Variants in DIPK2B observed in about 807,000 individuals in gnomAD.
The protein encoded by DIPK2B is divergent protein kinase domain 2B, also known as UPF0672 protein CXorf36.
In DIPK2B, 15 loss-of-function variants were observed where a neutral mutation model predicts 22.2. The ratio of observed to expected loss-of-function variants is 0.68; its 90% CI spans 0.45 to 1.04. The LOEUF (loss-of-function observed/expected upper bound fraction) is 1.04. Ranked by LOEUF, DIPK2B falls within the 50% of genes least tolerant of loss-of-function variation. The probability of loss-of-function intolerance (pLI) is 0.00; values close to 1 mark genes in which losing one functional copy is unlikely to be tolerated. For missense variants in DIPK2B, 345 were observed against 348.3 expected, an observed-to-expected ratio of 0.99 and a Z score of 0.08; for synonymous variants, 163 against 153.2, an observed-to-expected ratio of 1.06 and a Z score of -0.47.
intron 1 of DIPK2B, among the ~76,000 whole-genome samples, chrX:45,195,015 G>C (rs1007036913): frequency 8.9e-6 from 1 of 112,360 alleles, no homozygotes; most frequent in East Asian, 2.8e-4. Context: ...GATGGCTTGA[G>C]GCATTCCATA....
In DIPK2B at chrX:45,150,163, T is replaced by C. The variant is rs1373774057; in HGVS notation, c.*1489A>G. 1 of 111,809 alleles carries C rather than the reference T, an allele frequency of 8.9e-6. No homozygotes were observed. The highest frequency in any genetic ancestry group is 2.8e-4 in the East Asian group (1 of 3,531). 9.2% of individuals were successfully genotyped at this position (111,809 alleles called of 1,213,427 possible). A position where few individuals can be genotyped will look rare whatever the true frequency, so the allele number is the denominator to read the frequency against. On this transcript the variant is annotated 3_prime_UTR_variant, in exon 5 of 5. Transcript: ENST00000398000. ...TCCCAAAGTGCTGGGATTACAGGCG[T>C]GAGCCACCGGGCCTGGCCTGTTCTG...
intron 2 of DIPK2B, among the ~76,000 whole-genome samples, chrX:45,161,307 C>T (rs1204002422): frequency 8.9e-6 from 1 of 112,289 alleles, no homozygotes; most frequent in Admixed American, 9.4e-5. Flanking sequence ...TTCAGGAGGT[C>T]GAGGTAGGCA....
rs2046960372 is a variant in DIPK2B at position 45,151,402 on chromosome X, G to T, written c.*250C>A. On this transcript the variant is annotated 3_prime_UTR_variant, in exon 5 of 5. Transcript: ENST00000398000. Reference sequence around the variant, plus strand: ...AGTCTGGTGGAGAACAGAGGAAACTGAGGCTCAAAGACATTGAGTGAGCGT... The same window carrying T: ...AGTCTGGTGGAGAACAGAGGAAACTTAGGCTCAAAGACATTGAGTGAGCGT... 4 of 401,442 alleles carry T rather than the reference G, an allele frequency of 1.0e-5. No individual in the cohort carries two copies. In the Admixed American group the frequency reaches 1.8e-4, roughly 18 times the overall value. The allele number at this position is 401,442 out of a possible 1,213,427, so 33.1% of individuals were successfully genotyped here. A position where few individuals can be genotyped will look rare whatever the true frequency, so the allele number is the denominator to read the frequency against.
At chrX:45,154,363 CATCT>C (rs763904755) in intron 3 of DIPK2B, among the ~76,000 whole-genome samples, 165 bp from the exon 4 acceptor site, 147 of 110,398 alleles carry the variant, frequency 1.3e-3, no homozygotes, top group Non-Finnish European at 1.8e-3. Context: ...CTATCTCTAT[CATCT>C]ATCTATCTCT....
Position 45,151,614 on chromosome X carries a change from A to C in DIPK2B, c.*38T>G, listed in dbSNP as rs772792088. 1.7e-6 allele frequency: 2 copies of C among 1,157,041 alleles called. No individual in the cohort carries two copies. Among genetic ancestry groups the C allele is most frequent in the Non-Finnish European group, 2.3e-6 (2 of 856,371 alleles). On this transcript the variant is annotated 3_prime_UTR_variant, in exon 5 of 5. Coordinates refer to ENST00000398000, the MANE Select transcript of DIPK2B (RefSeq NM_176819.4). The stretch of plus-strand genomic sequence containing the variant: ...AACCCGACTGGGAGAATGGAGAGCC[A>C]AGCGTGTTGTCCCCAAGGCCAGCTA...
intron 2 of DIPK2B, among the ~76,000 whole-genome samples, chrX:45,184,489 T>G (rs2047170724): frequency 1.8e-5 from 2 of 111,938 alleles, no homozygotes; most frequent in Admixed American, 1.9e-4. Context: ...ATTTTGATCT[T>G]TAACAAATTG....
At chrX:45,196,372 G>A (rs752778644) in intron 1 of DIPK2B, among the ~76,000 whole-genome samples, 1 of 111,039 alleles carries the variant, frequency 9.0e-6, no homozygotes, top group African/African-American at 3.3e-5. Flanking sequence ...AAGCTCTTGA[G>A]CCCTGTATTT....
rs1180035421 is a variant in DIPK2B, at chrX:45,150,219, AGAG to A, written c.*1430_*1432del. On this transcript the variant is annotated 3_prime_UTR_variant, in exon 5 of 5. Transcript: ENST00000398000. Reference sequence around the variant, plus strand: ...AAAGGTAGGGATTCAGAGGCAGAAAAGAGGAGGTAGACTGAGAGGTTCCTGGGG... The same window carrying A: ...AAAGGTAGGGATTCAGAGGCAGAAAAGAGGTAGACTGAGAGGTTCCTGGGG... 9.0e-6 allele frequency: 1 copy of A among 111,344 alleles called. No homozygotes were observed. The highest frequency in any genetic ancestry group is 1.9e-5 in the Non-Finnish European group (1 of 53,143). 9.2% of individuals were successfully genotyped at this position (111,344 alleles called of 1,213,427 possible). A position where few individuals can be genotyped will look rare whatever the true frequency, so the allele number is the denominator to read the frequency against.
intron 2 of DIPK2B, among the ~76,000 whole-genome samples, chrX:45,182,141 A>G (rs1244325583): frequency 2.7e-5 from 3 of 110,952 alleles, no homozygotes; most frequent in Non-Finnish European, 5.7e-5. Context: ...AGATATTTGT[A>G]ATACACAGCT....
At chrX:45,170,592 A>T (rs1432205458) in intron 2 of DIPK2B, among the ~76,000 whole-genome samples, 1 of 112,306 alleles carries the variant, frequency 8.9e-6, no homozygotes, top group African/African-American at 3.2e-5. Context: ...TGTCTTGCTC[A>T]CCTCTGTGTC....
intron 2 of DIPK2B, among the ~76,000 whole-genome samples, chrX:45,171,141 C>T (rs928061308): frequency 2.7e-5 from 3 of 111,404 alleles, no homozygotes; most frequent in South Asian, 7.6e-4. Flanking sequence ...GCAGATCTCA[C>T]GTGCTGTCAC....
chrX:45,184,388 C>T (rs1263758576), intron 2 of DIPK2B, among the ~76,000 whole-genome samples: 1 of 111,771 alleles, frequency 8.9e-6, no homozygotes, highest in Non-Finnish European at 1.9e-5. Flanking sequence ...AGAAAGGATG[C>T]AAATATGTTA....
intron 2 of DIPK2B, among the ~76,000 whole-genome samples, chrX:45,164,402 G>A (rs1458004599): frequency 1.9e-5 from 2 of 106,300 alleles, no homozygotes; most frequent in African/African-American, 7.9e-5. Flanking sequence ...TTGGGAATAA[G>A]GACCAGGAAG....
In DIPK2B at chrX:45,191,800, C is replaced by T; in HGVS notation, c.449G>A (p.Arg150Lys). The part of the protein sequence containing the change: ...SIERVLRKTE[R>K]FQKWLQAKRL... Reference sequence around the variant, plus strand: ...CTTGGCCTGCAGCCATTTCTGGAACCTCTCTGTTTTCCGCAGGACACGCTC... The same window carrying T: ...CTTGGCCTGCAGCCATTTCTGGAACTTCTCTGTTTTCCGCAGGACACGCTC... Residue 150 changes from arginine to lysine, a missense_variant, in exon 2 of 5, where the codon AGG (arginine) becomes AAG (lysine). Physicochemically the swap from Arg to Lys is conservative, Grantham distance 26. Transcript: ENST00000398000. 1 of 1,212,131 alleles carries T rather than the reference C, an allele frequency of 8.2e-7. No homozygotes were observed. Among genetic ancestry groups the T allele is most frequent in the Non-Finnish European group, 1.1e-6 (1 of 895,595 alleles).
chrX:45,154,374 CTCTA>C (rs1435739961), intron 3 of DIPK2B, among the ~76,000 whole-genome samples, 176 bp from the exon 4 acceptor site: 5 of 110,679 alleles, frequency 4.5e-5, no homozygotes, highest in Non-Finnish European at 7.6e-5. Context: ...ATCTATCTAT[CTCTA>C]TCTACCTATA....
intron 2 of DIPK2B, among the ~76,000 whole-genome samples, chrX:45,190,290 A>C (rs2047204074): frequency 8.9e-6 from 1 of 112,064 alleles, no homozygotes; most frequent in African/African-American, 3.2e-5. Flanking sequence ...AGTCATATCA[A>C]GTTAAAGAAT....
chrX:45,161,494 A>G (rs973368835), intron 2 of DIPK2B, among the ~76,000 whole-genome samples: 2 of 112,557 alleles, frequency 1.8e-5, no homozygotes, highest in African/African-American at 6.5e-5. Context: ...GTGAGCCATG[A>G]TCGTGATACT....
At chrX:45,187,457 GGC>G (rs71673131) in intron 2 of DIPK2B, among the ~76,000 whole-genome samples, 2 of 84,328 alleles carry the variant, frequency 2.4e-5, no homozygotes, top group Admixed American at 1.5e-4. Flanking sequence ...CATGCTCGAG[GGC>G]GCGCGCGCGC....
At chrX:45,167,319 T>C (rs749738495) in intron 2 of DIPK2B, among the ~76,000 whole-genome samples, 3 of 109,371 alleles carry the variant, frequency 2.7e-5, no homozygotes, top group South Asian at 8.0e-4. Flanking sequence ...AGGGAGACCA[T>C]GTGTCTACAA....
Sources: gnomAD v4.1 joint callset for allele counts (sites outside exome capture counted in the v4.1 genomes callset) on GRCh38, gnomAD v4.1.1 for gene constraint, MANE v1.5 for transcripts, NCBI Gene and HGNC (gene_info 2026-07-23, HGNC 2026-07-21) for gene names.